DNAH5: variants seen among roughly 807,000 people sequenced by gnomAD.
The protein encoded by DNAH5 is dynein axonemal heavy chain 5.
A neutral mutation model predicts 518.2 loss-of-function variants in DNAH5; 372 were observed. That is an observed-to-expected ratio of 0.72 (90% CI 0.66 to 0.78). The LOEUF (loss-of-function observed/expected upper bound fraction) is 0.78. DNAH5 is among the 30% of genes least tolerant of loss of function. The pLI is 0.00. For synonymous variants in DNAH5, 2,039 were observed against 2,025.9 expected (o/e 1.01, Z -0.17); for missense variants, 5,523 against 5,687.0 (o/e 0.97, Z 0.93).
intron 31 of DNAH5, among the ~76,000 whole-genome samples, chr5:13,845,372 T>C (rs941648446): frequency 4.0e-5 from 6 of 151,526 alleles, no homozygotes; most frequent in Non-Finnish European, 8.8e-5. Flanking sequence ...CAGGCAGGTT[T>C]TGGTTTTGGG....
intron 17 of DNAH5, among the ~76,000 whole-genome samples, chr5:13,888,547 TAAAC>T (rs750970784): frequency 2.0e-4 from 31 of 152,338 alleles, no homozygotes; most frequent in South Asian, 1.4e-3. Flanking sequence ...TGAATTCAAA[TAAAC>T]AAACTCAAGA....
At chr5:13,865,567 G>A in intron 27 of DNAH5, 101 bp downstream of exon 27, 2 of 801,432 alleles carry the variant, frequency 2.5e-6, no homozygotes, top group East Asian at 2.4e-5. Context: ...AGCAAGATGT[G>A]CTTTTGAAAT....
At chr5:13,764,614 C>T (rs1398046588) in intron 59 of DNAH5, among the ~76,000 whole-genome samples, 3 of 152,144 alleles carry the variant, frequency 2.0e-5, no homozygotes, top group Non-Finnish European at 4.4e-5. Context: ...ATAGATACAT[C>T]AGTTTTGAAA....
chr5:13,878,366 C>T (rs900411115), intron 21 of DNAH5, among the ~76,000 whole-genome samples: 1 of 152,168 alleles, frequency 6.6e-6, no homozygotes, highest in African/African-American at 2.4e-5. Flanking sequence ...CAGAACAATG[C>T]AGAAAAGGAT....
chr5:13,919,805 T>C (rs1212463320), intron 6 of DNAH5, among the ~76,000 whole-genome samples: 2 of 152,222 alleles, frequency 1.3e-5, no homozygotes, highest in Non-Finnish European at 2.9e-5. Flanking sequence ...AGGTATTAGA[T>C]TGGTGCAAAA....
intron 72 of DNAH5, among the ~76,000 whole-genome samples, chr5:13,717,811 C>G (rs969908569): frequency 1.3e-5 from 2 of 151,990 alleles, no homozygotes; most frequent in African/African-American, 4.8e-5. Context: ...GGAAGGGTAA[C>G]GACAGTTAAA....
At chr5:13,920,219 T>C (rs185747738) in intron 6 of DNAH5, among the ~76,000 whole-genome samples, 1 of 152,356 alleles carries the variant, frequency 6.6e-6, no homozygotes, top group East Asian at 1.9e-4. Context: ...CAAAGTAAAT[T>C]AGACATTGAG....
intron 19 of DNAH5, among the ~76,000 whole-genome samples, chr5:13,883,439 A>C (rs1300972251): frequency 1.3e-5 from 2 of 152,238 alleles, no homozygotes; most frequent in African/African-American, 4.8e-5. Context: ...AATGTAGCTA[A>C]GTAAGCCAGG....
chr5:13,759,717 T>G (rs1054301289), intron 60 of DNAH5, among the ~76,000 whole-genome samples: 8 of 152,238 alleles, frequency 5.3e-5, no homozygotes, highest in East Asian at 1.9e-4. Context: ...TAGCAAAAGA[T>G]GAGATGTAAA....
intron 1 of DNAH5, among the ~76,000 whole-genome samples, chr5:14,001,557 G>T (rs1269276044): frequency 6.6e-6 from 1 of 151,808 alleles, no homozygotes; most frequent in East Asian, 1.9e-4. Context: ...TAGAGACAGG[G>T]TTTCACTGTG....
chr5:13,713,741 A>T (rs528040242), intron 75 of DNAH5, among the ~76,000 whole-genome samples: 1 of 152,014 alleles, frequency 6.6e-6, no homozygotes, highest in East Asian at 1.9e-4. Flanking sequence ...GGTGCATCGC[A>T]TACTGCTTAG....
rs138644692 is a variant in DNAH5, at chr5:13,815,005, A to G, written c.6989-159T>C. ...AAATGATTACCTTGTTTTATTACAA[A>G]GGATCTTCAAAGATCTTTATATAGT... On this transcript the variant is annotated intron_variant, in intron 42 of 78. Transcript: ENST00000265104. Among the ~76,000 whole-genome samples the G allele has an allele frequency of 3.4e-4, 52 of 152,356 alleles. No individual in the cohort carries two copies. The East Asian group carries it at 9.4e-3, about 28-fold the overall frequency.
intron 78 of DNAH5, among the ~76,000 whole-genome samples, chr5:13,694,779 T>C (rs1741143031): frequency 6.6e-6 from 1 of 152,208 alleles, no homozygotes; most frequent in Non-Finnish European, 1.5e-5. Context: ...TTTAAATTAC[T>C]AGACAGTTCA....
intron 1 of DNAH5, among the ~76,000 whole-genome samples, chr5:13,934,012 G>A (rs72735069): frequency 0.22 from 33,105 of 151,942 alleles, 4,297 homozygotes; most frequent in Non-Finnish European, 0.29. Flanking sequence ...TCAAGAAATA[G>A]ACTGTATTTC....
intron 62 of DNAH5, 123 bp downstream of exon 62, chr5:13,754,080 G>A (rs569447722): frequency 9.7e-5 from 109 of 1,127,094 alleles, no homozygotes; most frequent in African/African-American, 7.9e-4. Flanking sequence ...CACAATGTGC[G>A]GGTTTGTTAC....
intron 1 of DNAH5, among the ~76,000 whole-genome samples, chr5:13,970,733 T>A (rs1479090890): frequency 1.3e-5 from 2 of 152,222 alleles, no homozygotes; most frequent in Non-Finnish European, 2.9e-5. Context: ...TCCTTCATCT[T>A]GTCTTTAGAT....
At chr5:13,762,405 G>A (rs73749951) in intron 60 of DNAH5, among the ~76,000 whole-genome samples, 43,069 of 150,324 alleles carry the variant, frequency 0.29, 6,493 homozygotes, top group South Asian at 0.42. Context: ...AGTTTGCAGC[G>A]TTTTTTGTTT....
chr5:13,962,038 C>CA (rs1392578431), intron 1 of DNAH5, among the ~76,000 whole-genome samples: 31 of 151,976 alleles, frequency 2.0e-4, no homozygotes, highest in Middle Eastern at 3.4e-3. Context: ...CTTGATATAC[C>CA]AAAAAACTGT....
chr5:13,759,025 C>T (rs1561190712), intron 60 of DNAH5, 42 bp from the exon 61 acceptor site: 4 of 1,612,866 alleles, frequency 2.5e-6, no homozygotes, highest in Admixed American at 1.7e-5. Context: ...GGCAGCCAAC[C>T]TCAAAACATC....
Sources: gnomAD v4.1 joint callset for allele counts (sites outside exome capture counted in the v4.1 genomes callset) on GRCh38, gnomAD v4.1.1 for gene constraint, MANE v1.5 for transcripts, NCBI Gene and HGNC (gene_info 2026-07-23, HGNC 2026-07-21) for gene names.